The following CD82 variants were observed in gnomAD, a reference collection of about 807,000 sequenced individuals.
The protein encoded by CD82 is CD82 antigen.
A neutral mutation model predicts 37.4 loss-of-function variants in CD82; 36 were observed. The observed-to-expected ratio is 0.96, with a 90% CI of 0.74 to 1.27. CD82 has a LOEUF of 1.27. CD82 is among the 50% of genes most tolerant of loss of function. The pLI, the probability that CD82 is intolerant of heterozygous loss-of-function variation, is 0.00. For missense variants in CD82, 340 were observed against 347.0 expected (o/e 0.98, Z 0.16); for synonymous variants, 158 against 137.4 (o/e 1.15, Z -1.05).
chr11:44,603,692 G>A (rs1254357345), intron 4 of CD82, among the ~76,000 whole-genome samples: 2 of 152,202 alleles, frequency 1.3e-5, no homozygotes, highest in African/African-American at 4.8e-5. Flanking sequence ...ATGCTGGTGA[G>A]TTAGAGATGA....
intron 1 of CD82, among the ~76,000 whole-genome samples, chr11:44,571,773 C>T (rs1229974880): frequency 6.6e-6 from 1 of 152,160 alleles, no homozygotes; most frequent in Non-Finnish European, 1.5e-5. Flanking sequence ...TAGGATTTCA[C>T]CATATTGATC....
chr11:44,577,165 C>T (rs554765324), intron 1 of CD82, among the ~76,000 whole-genome samples: 2 of 152,148 alleles, frequency 1.3e-5, no homozygotes, highest in Non-Finnish European at 2.9e-5. Flanking sequence ...AGGCCTTGCA[C>T]GTGAGGTCCT....
intron 6 of CD82, among the ~76,000 whole-genome samples, chr11:44,610,598 C>CT (rs1364315400): frequency 6.6e-6 from 1 of 152,162 alleles, no homozygotes; most frequent in African/African-American, 2.4e-5. Flanking sequence ...TGGGGAGGCC[C>CT]TGGGCAGCTT....
chr11:44,582,915 CATG>C (rs1434525744), intron 1 of CD82, among the ~76,000 whole-genome samples: 4 of 152,238 alleles, frequency 2.6e-5, no homozygotes, highest in African/African-American at 4.8e-5. Context: ...CAACGTGTAT[CATG>C]ATGCCAAACA....
At chr11:44,584,464 T>C (rs1300820388) in intron 1 of CD82, among the ~76,000 whole-genome samples, 2 of 152,112 alleles carry the variant, frequency 1.3e-5, no homozygotes, top group Non-Finnish European at 2.9e-5. Context: ...TTTTTTGCAT[T>C]TTTAGCAGAG....
At chr11:44,618,766 C>T in intron 9 of CD82, 43 bp downstream of exon 9, 1 of 1,536,064 alleles carries the variant, frequency 6.5e-7, no homozygotes, top group Non-Finnish European at 9.0e-7. Context: ...CCAGGTCCTC[C>T]TGGGTTGTCT....
chr11:44,604,818 A>G, intron 4 of CD82: 1 of 565,608 alleles, frequency 1.8e-6, no homozygotes, highest in African/African-American at 1.9e-5. Context: ...GAAGTAAAAA[A>G]TAAAGCCGGG....
rs56665683 is a variant in CD82 at position 44,590,610 on chromosome 11, C to CAAAAAAAAAAAAAAAAAAAAAAAA, written c.-21+3074_-21+3075insAAAAAAAAAAAAAAAAAAAAAAAA. Among the ~76,000 whole-genome samples, 16 of 33,454 alleles carry CAAAAAAAAAAAAAAAAAAAAAAAA rather than the reference C, an allele frequency of 4.8e-4. 2 individuals are homozygous for CAAAAAAAAAAAAAAAAAAAAAAAA. The highest frequency in any genetic ancestry group is 7.9e-4 in the Non-Finnish European group (15 of 18,894). 21.9% of individuals were successfully genotyped at this position (33,454 alleles called of 152,430 possible). On this transcript the variant is annotated intron_variant, in intron 2 of 9. Coordinates refer to ENST00000227155, the MANE Select transcript of CD82 (RefSeq NM_002231.4). Reference sequence around the variant, plus strand: ...TGGGCAACAGAGGGAGATTCTGTCTCAAAAAAAAAAAAAAAAAAAAGATGA... The same window carrying CAAAAAAAAAAAAAAAAAAAAAAAA: ...TGGGCAACAGAGGGAGATTCTGTCTCAAAAAAAAAAAAAAAAAAAAAAAAAAAAAAAAAAAAAAAAAAAAGATGA...
chr11:44,618,913 G>A, intron 9 of CD82, 136 bp from the exon 10 acceptor site: 2 of 873,184 alleles, frequency 2.3e-6, no homozygotes, highest in Non-Finnish European at 3.7e-6. Flanking sequence ...GCCTCCCTCT[G>A]CTGCCTGCAT....
At chr11:44,589,803 G>A (rs937156778) in intron 2 of CD82, among the ~76,000 whole-genome samples, 41 of 152,220 alleles carry the variant, frequency 2.7e-4, no homozygotes, top group African/African-American at 9.6e-4. Flanking sequence ...CAAAGTTCCC[G>A]TGCTAAGGGT....
intron 6 of CD82, among the ~76,000 whole-genome samples, chr11:44,614,084 C>T (rs1197921580): frequency 6.6e-6 from 1 of 152,188 alleles, no homozygotes; most frequent in Admixed American, 6.5e-5. Flanking sequence ...GCGATCTCGA[C>T]TCACTGTAAC....
Position 44,600,166 on chromosome 11 carries a change from C to A in CD82, c.72C>A (p.Gly24=). The change falls in exon 4 of 10, where the codon GGC becomes GGA. Residue 24 remains glycine, a synonymous_variant. Transcript: ENST00000227155. Reference sequence around the variant, plus strand: ...CTCCCTTCTCCTTCCAGATCCTGGGCGCAGTGATCCTGGGCTTCGGGGTGT... The same window carrying A: ...CTCCCTTCTCCTTCCAGATCCTGGGAGCAGTGATCCTGGGCTTCGGGGTGT... ...FLFNLIFFIL[G]AVILGFGVWI... The A allele has an allele frequency of 6.2e-7, 1 of 1,614,020 alleles. No homozygotes were observed. Among genetic ancestry groups the A allele is most frequent in the Non-Finnish European group, 8.5e-7 (1 of 1,179,924 alleles).
intron 1 of CD82, among the ~76,000 whole-genome samples, chr11:44,583,251 A>T (rs1292037249): frequency 6.6e-6 from 1 of 152,202 alleles, no homozygotes. Context: ...CCTCAGCTTG[A>T]TTCTTTGGCT....
chr11:44,582,636 C>T (rs979316635), intron 1 of CD82, among the ~76,000 whole-genome samples: 1 of 152,186 alleles, frequency 6.6e-6, no homozygotes, highest in Non-Finnish European at 1.5e-5. Flanking sequence ...ATTCTATCTC[C>T]AGTTGTGGCA....
intron 1 of CD82, among the ~76,000 whole-genome samples, chr11:44,568,742 A>G (rs1380744408): frequency 6.6e-6 from 1 of 152,072 alleles, no homozygotes; most frequent in Non-Finnish European, 1.5e-5. Context: ...TTGAGGCCTC[A>G]CGCTTTAGAG....
At chr11:44,572,650 C>T (rs1590325071) in intron 1 of CD82, among the ~76,000 whole-genome samples, 1 of 152,194 alleles carries the variant, frequency 6.6e-6, no homozygotes, top group Non-Finnish European at 1.5e-5. Context: ...GAGTGTAATC[C>T]GCCTTCCCAT....
chr11:44,612,807 G>GT (rs1183444635), intron 6 of CD82, among the ~76,000 whole-genome samples: 1 of 151,144 alleles, frequency 6.6e-6, no homozygotes, highest in Non-Finnish European at 1.5e-5. Flanking sequence ...CTAATTTTTG[G>GT]TATTTTTTTT....
chr11:44,575,705 TA>T (rs1852881252), intron 1 of CD82, among the ~76,000 whole-genome samples: 1 of 152,110 alleles, frequency 6.6e-6, no homozygotes, highest in African/African-American at 2.4e-5. Context: ...TTGTCCTGTT[TA>T]ATAAAGGCTC....
chr11:44,594,267 C>T (rs1853188103), intron 2 of CD82, among the ~76,000 whole-genome samples: 1 of 152,166 alleles, frequency 6.6e-6, no homozygotes, highest in South Asian at 2.1e-4. Context: ...ACCTCTGGGT[C>T]TCTGTCAATG....
Sources: gnomAD v4.1 joint callset for allele counts (sites outside exome capture counted in the v4.1 genomes callset) on GRCh38, gnomAD v4.1.1 for gene constraint, MANE v1.5 for transcripts, NCBI Gene and HGNC (gene_info 2026-07-23, HGNC 2026-07-21) for gene names.